The following POLN variants were observed in gnomAD, a reference collection of about 807,000 sequenced individuals.
POLN encodes the protein DNA polymerase N.
In POLN, 108 loss-of-function variants were observed where a neutral mutation model predicts 113.5. The observed-to-expected ratio is 0.95, with a 90% CI of 0.81 to 1.12. The LOEUF (loss-of-function observed/expected upper bound fraction) is 1.12. POLN is among the 50% of genes most tolerant of loss of function. POLN has a pLI of 0.00. For synonymous variants in POLN, 386 were observed against 391.5 expected, an observed-to-expected ratio of 0.99 and a Z score of 0.17; for missense variants, 1,097 against 1,077.1, an observed-to-expected ratio of 1.02 and a Z score of -0.26.
At chr4:2,116,387 G>A (rs987218763) in intron 19 of POLN, among the ~76,000 whole-genome samples, 2 of 152,106 alleles carry the variant, frequency 1.3e-5, no homozygotes, top group South Asian at 2.1e-4. Context: ...AAAGCTCATC[G>A]CTTTCTGGAG....
At chr4:2,192,075 A>G (rs1227453583) in intron 7 of POLN, among the ~76,000 whole-genome samples, 1 of 146,064 alleles carries the variant, frequency 6.8e-6, no homozygotes, top group Non-Finnish European at 1.5e-5. Flanking sequence ...AGATCATGCA[A>G]CTGCACTCTA....
intron 6 of POLN, among the ~76,000 whole-genome samples, chr4:2,198,057 G>C (rs150262544): frequency 1.3e-5 from 2 of 152,212 alleles, no homozygotes; most frequent in African/African-American, 4.8e-5. Flanking sequence ...GTCCAAAGAG[G>C]TGAGACAGGT....
chr4:2,220,060 G>A (rs561601816), intron 3 of POLN, among the ~76,000 whole-genome samples: 6 of 152,122 alleles, frequency 3.9e-5, no homozygotes, highest in African/African-American at 1.2e-4. Flanking sequence ...AATCTCTTTC[G>A]TCCCTGTGCC....
intron 5 of POLN, among the ~76,000 whole-genome samples, chr4:2,203,387 C>T (rs1023822123): frequency 2.6e-5 from 4 of 151,846 alleles, no homozygotes; most frequent in East Asian, 1.9e-4. Flanking sequence ...CGAGACCATC[C>T]TGGCCAACAT....
intron 16 of POLN, among the ~76,000 whole-genome samples, chr4:2,144,214 G>A (rs1423241850): frequency 1.4e-5 from 2 of 145,416 alleles, no homozygotes; most frequent in Non-Finnish European, 3.0e-5. Flanking sequence ...GCGTGAACTC[G>A]GCTCACCACA....
chr4:2,219,170 C>T (rs1240843878), intron 3 of POLN, among the ~76,000 whole-genome samples: 1 of 152,164 alleles, frequency 6.6e-6, no homozygotes, highest in Admixed American at 6.5e-5. Context: ...TCGGAGTGAG[C>T]CCTCCCATTA....
rs1395428398 is a variant in POLN, at chr4:2,093,984, G to A, written c.2065+1867C>T. On this transcript the variant is annotated intron_variant, in intron 20 of 25. Transcript: ENST00000511885. This position sits in a 1 kb window ranked among gnomAD's most constrained non-coding sequence, Gnocchi z 4.1. ...CTGGGGCATGAGACCATGAACAGGC[G>A]AGTGGGTGCCCAAGGTGTGAGGCCC... is the stretch of plus-strand genomic sequence containing the variant. Among the ~76,000 whole-genome samples the A allele has an allele frequency of 3.3e-5, 5 of 152,232 alleles. No individual in the cohort carries two copies. Among genetic ancestry groups the A allele is most frequent in the South Asian group, 2.1e-4 (1 of 4,824 alleles).
intron 5 of POLN, among the ~76,000 whole-genome samples, chr4:2,201,277 CAAAAA>C (rs35399602): frequency 6.3e-5 from 1 of 15,834 alleles, no homozygotes; most frequent in South Asian, 8.5e-3. Context: ...CCTACCACTC[CAAAAA>C]AAAAAAAAAA....
At chr4:2,151,430 CT>C (rs750737738) in intron 16 of POLN, among the ~76,000 whole-genome samples, 15 of 152,176 alleles carry the variant, frequency 9.9e-5, no homozygotes, top group Non-Finnish European at 1.9e-4. Flanking sequence ...AAATCTACAC[CT>C]ACTGTATGAC....
chr4:2,091,297 T>G (rs886126134), intron 20 of POLN, among the ~76,000 whole-genome samples: 13 of 152,266 alleles, frequency 8.5e-5, no homozygotes, highest in Admixed American at 8.5e-4. Context: ...TCTATGGAGC[T>G]GTCGGGATCT....
intron 17 of POLN, 152 bp from the exon 18 acceptor site, chr4:2,129,408 G>A: frequency 1.8e-6 from 1 of 547,344 alleles, no homozygotes; most frequent in Non-Finnish European, 3.2e-6. Context: ...TTATTTTAGA[G>A]ATGGGGGTCT....
chr4:2,143,496 A>G (rs1732056668), intron 16 of POLN, among the ~76,000 whole-genome samples: 1 of 152,232 alleles, frequency 6.6e-6, no homozygotes, highest in African/African-American at 2.4e-5. Context: ...TTCACCAAAT[A>G]TGAAAGAGAT....
At chr4:2,139,358 C>T (rs1258517951) in intron 16 of POLN, among the ~76,000 whole-genome samples, 2 of 152,254 alleles carry the variant, frequency 1.3e-5, no homozygotes, top group Non-Finnish European at 2.9e-5. Context: ...CCTCCACCTG[C>T]CAGCCTTTGG....
At chr4:2,156,734 A>C in intron 16 of POLN, 54 bp downstream of exon 16, 1 of 1,477,440 alleles carries the variant, frequency 6.8e-7, no homozygotes, top group African/African-American at 1.4e-5. Flanking sequence ...AAAAAACTTC[A>C]ATAGCAAGGC....
intron 21 of POLN, 56 bp from the exon 22 acceptor site, chr4:2,081,799 G>A (rs1390573626): frequency 1.1e-5 from 16 of 1,495,980 alleles, no homozygotes; most frequent in Middle Eastern, 3.4e-4. Context: ...CACAGCAGGT[G>A]CAGCTCCCTC....
chr4:2,089,778 G>C, intron 20 of POLN: 5 of 742,826 alleles, frequency 6.7e-6, no homozygotes, highest in Non-Finnish European at 1.1e-5. Context: ...GTATTTCTTT[G>C]AATGCAGAAT....
intron 4 of POLN, among the ~76,000 whole-genome samples, chr4:2,209,965 G>A (rs1003496910): frequency 1.4e-5 from 2 of 147,200 alleles, no homozygotes; most frequent in African/African-American, 5.0e-5. Context: ...CCCAGCCAAG[G>A]CTTATTTTCA....
chr4:2,078,063 T>C (rs948368177), intron 23 of POLN, among the ~76,000 whole-genome samples: 6 of 152,246 alleles, frequency 3.9e-5, no homozygotes, highest in African/African-American at 1.4e-4. Flanking sequence ...GTCTGGGGCC[T>C]GCAGGGGCAG....
intron 13 of POLN, among the ~76,000 whole-genome samples, chr4:2,163,043 A>C (rs1732639144): frequency 6.6e-6 from 1 of 151,586 alleles, no homozygotes; most frequent in Non-Finnish European, 1.5e-5. Context: ...AAAAAAAAAA[A>C]AAAAAAAACT....
Sources: allele counts gnomAD v4.1 joint callset (sites outside exome capture counted in the v4.1 genomes callset), GRCh38; gene constraint gnomAD v4.1.1; non-coding constraint Gnocchi (gnomAD v3.1); transcripts MANE v1.5; gene names NCBI Gene and HGNC (gene_info 2026-07-23, HGNC 2026-07-21).